Variants in LZTFL1 observed in about 807,000 individuals in gnomAD.
The protein encoded by LZTFL1 is leucine zipper transcription factor-like protein 1.
LZTFL1 carries 25 observed loss-of-function variants against 45.9 expected under a neutral mutation model. That is an observed-to-expected ratio of 0.54 (90% CI 0.40 to 0.76). LZTFL1 has a LOEUF of 0.76. LZTFL1 is among the 30% of genes least tolerant of loss of function. LZTFL1 has a pLI of 0.00. For missense variants in LZTFL1, 277 were observed against 331.1 expected, an observed-to-expected ratio of 0.84 and a Z score of 1.27; for synonymous variants, 93 against 117.4, an observed-to-expected ratio of 0.79 and a Z score of 1.35.
chr3:45,839,233 C>T (rs555993215), intron 1 of LZTFL1, among the ~76,000 whole-genome samples: 3 of 152,198 alleles, frequency 2.0e-5, no homozygotes, highest in Admixed American at 1.3e-4. Flanking sequence ...GGACCACAGG[C>T]GCCCACCACC....
At chr3:45,879,690 T>C (rs1701817147) in intron 2 of LZTFL1, among the ~76,000 whole-genome samples, 1 of 152,120 alleles carries the variant, frequency 6.6e-6, no homozygotes, top group Non-Finnish European at 1.5e-5. Flanking sequence ...ATGAACTGAT[T>C]ATAACAAATG....
intron 2 of LZTFL1, 56 bp from the exon 3 acceptor site, chr3:45,835,840 A>G: frequency 7.7e-7 from 1 of 1,301,066 alleles, no homozygotes; most frequent in African/African-American, 1.5e-5. Flanking sequence ...AAATCTACAA[A>G]ATACAGCAAA....
At position 45,824,849 on chromosome 3, in the gene LZTFL1, A is replaced by G; in HGVS notation, c.*1465T>C. 2.5e-6 allele frequency: 1 copy of G among 398,458 alleles called. No homozygotes were observed. The highest frequency in any genetic ancestry group is 6.3e-4 in the Middle Eastern group (1 of 1,584). 24.7% of individuals were successfully genotyped at this position (398,458 alleles called of 1,614,324 possible). A position where few individuals can be genotyped will look rare whatever the true frequency, so the allele number is the denominator to read the frequency against. On this transcript the variant is annotated 3_prime_UTR_variant, in exon 10 of 10. Coordinates refer to ENST00000296135, the MANE Select transcript of LZTFL1 (RefSeq NM_020347.4). ...CCCTCAACAAAAGCTCCAAAAGGGC[A>G]CAGAAACTGGTAAGTGACCTAAATA...
chr3:45,889,704 A>G (rs1043827025), intron 2 of LZTFL1, among the ~76,000 whole-genome samples: 1 of 151,058 alleles, frequency 6.6e-6, no homozygotes, highest in Non-Finnish European at 1.5e-5. Flanking sequence ...TTTTTTAAAG[A>G]TCACACAACA....
chr3:45,899,929 A>G (rs1352890569), intron 2 of LZTFL1, among the ~76,000 whole-genome samples: 1 of 152,150 alleles, frequency 6.6e-6, no homozygotes, highest in African/African-American at 2.4e-5. Flanking sequence ...GTGTGTGTGT[A>G]TGCGCATATA....
chr3:45,833,751 G>C (rs984132213), intron 4 of LZTFL1, among the ~76,000 whole-genome samples: 2 of 152,100 alleles, frequency 1.3e-5, no homozygotes, highest in African/African-American at 4.8e-5. Context: ...GAGTATTTAC[G>C]GTGTGCCCGT....
intron 1 of LZTFL1, 198 bp downstream of exon 1, chr3:45,841,780 AAGGCTTCACCC>A: frequency 1.6e-6 from 1 of 631,552 alleles, no homozygotes; most frequent in South Asian, 2.0e-5. Flanking sequence ...CTGCTGGGAA[AAGGCTTCACCC>A]AGGATTACCC....
At chr3:45,835,356 T>C (rs1018400692) in intron 3 of LZTFL1, 2 of 452,588 alleles carry the variant, frequency 4.4e-6, no homozygotes, top group Admixed American at 4.1e-5. Context: ...TGAAAAGCAA[T>C]TTCATAAATC....
At chr3:45,890,737 T>G (rs1264205461) in intron 2 of LZTFL1, among the ~76,000 whole-genome samples, 1 of 152,130 alleles carries the variant, frequency 6.6e-6, no homozygotes, top group Non-Finnish European at 1.5e-5. Context: ...AAAATGCATC[T>G]TTCATTCACC....
At chr3:45,872,549 T>A (rs1406259157) in intron 2 of LZTFL1, among the ~76,000 whole-genome samples, 1 of 152,130 alleles carries the variant, frequency 6.6e-6, no homozygotes, top group Non-Finnish European at 1.5e-5. Context: ...GAGGACTTCC[T>A]GGGGGGCTTG....
chr3:45,829,111 A>G (rs1271853760), intron 7 of LZTFL1, among the ~76,000 whole-genome samples: 3 of 152,210 alleles, frequency 2.0e-5, no homozygotes, highest in African/African-American at 2.4e-5. Context: ...ATGGTTTTCT[A>G]AATTTTTAAG....
At chr3:45,893,601 T>C (rs887953988) in intron 2 of LZTFL1, among the ~76,000 whole-genome samples, 7 of 152,260 alleles carry the variant, frequency 4.6e-5, no homozygotes, top group African/African-American at 1.4e-4. Flanking sequence ...CATAATTGTT[T>C]GGAGACTTGT....
At chr3:45,870,202 T>C (rs1239501390) in intron 2 of LZTFL1, among the ~76,000 whole-genome samples, 1 of 152,170 alleles carries the variant, frequency 6.6e-6, no homozygotes, top group Non-Finnish European at 1.5e-5. Context: ...CAGAAAGCTA[T>C]GTGGTTTGGG....
At position 45,901,765 on chromosome 3, in the gene LZTFL1, G is replaced by T; in HGVS notation, c.-215+11355C>A. ...GTTTTTGTGGGTGAGAGATTCCGCC[G>T]GGATCTCGTGAAAACCCTGAAGAAC... On this transcript the variant is annotated intron_variant, in intron 2 of 4. Transcript: ENST00000472635. This position sits in a 1 kb window ranked among gnomAD's most constrained non-coding sequence, Gnocchi z 4.3. 6.2e-7 allele frequency: 1 copy of T among 1,614,126 alleles called. No individual in the cohort carries two copies. Among genetic ancestry groups the T allele is most frequent in the Non-Finnish European group, 8.5e-7 (1 of 1,180,028 alleles).
In LZTFL1 at chr3:45,825,541, T is replaced by C. The variant is rs1316313826; in HGVS notation, c.*773A>G. ...ATTGAACATAAAATGTAAAATAACA[T>C]TCTGGAAACAAGTATAAATATTACA... On this transcript the variant is annotated 3_prime_UTR_variant, in exon 10 of 10. Transcript: ENST00000296135. The C allele has an allele frequency of 6.6e-6, 1 of 152,226 alleles. No individual in the cohort carries two copies. Among genetic ancestry groups the C allele is most frequent in the Non-Finnish European group, 1.5e-5 (1 of 68,026 alleles). The allele number at this position is 152,226 out of a possible 1,614,324, so 9.4% of individuals were successfully genotyped here. A position where few individuals can be genotyped will look rare whatever the true frequency, so the allele number is the denominator to read the frequency against.
chr3:45,824,888 G>T lies in LZTFL1; in HGVS notation c.*1426C>A, dbSNP rs1172539726. ...GTGACCTAAATATGGAGAGACAGGT[G>T]AGGAGAAAATACATAGTAAATGCTG... On this transcript the variant is annotated 3_prime_UTR_variant, in exon 10 of 10. Coordinates refer to ENST00000296135, the MANE Select transcript of LZTFL1 (RefSeq NM_020347.4). The T allele has an allele frequency of 2.5e-6, 1 of 398,322 alleles. No individual in the cohort carries two copies. Among genetic ancestry groups the T allele is most frequent in the Non-Finnish European group, 4.4e-6 (1 of 225,964 alleles). 24.7% of individuals were successfully genotyped at this position (398,322 alleles called of 1,614,324 possible). A position where few individuals can be genotyped will look rare whatever the true frequency, so the allele number is the denominator to read the frequency against.
Position 45,825,996 on chromosome 3 carries a change from CTCTT to C in LZTFL1, c.*314_*317del. On this transcript the variant is annotated 3_prime_UTR_variant, in exon 10 of 10. Coordinates refer to ENST00000296135, the MANE Select transcript of LZTFL1 (RefSeq NM_020347.4). ...ATTTAACATTTATTAAAAATACAGA[CTCTT>C]TATACTAATGCAGAAGGATAAGCCT... 3.5e-6 allele frequency: 1 copy of C among 284,242 alleles called. No homozygotes were observed. 17.6% of individuals were successfully genotyped at this position (284,242 alleles called of 1,614,324 possible).
rs1701131099 is a variant in LZTFL1, at chr3:45,841,992, G to A, written c.-1C>T. ...CGCCTGAGGGTCGGTTACTCACCAT[G>A]GCGGCAGGCAGCGGCGGCAGCCTAA... is the stretch of plus-strand genomic sequence containing the variant. On this transcript the variant is annotated 5_prime_UTR_variant, in exon 1 of 10. Coordinates refer to ENST00000296135, the MANE Select transcript of LZTFL1 (RefSeq NM_020347.4). 1 of 1,611,480 alleles carries A rather than the reference G, an allele frequency of 6.2e-7. No homozygotes were observed. Among genetic ancestry groups the A allele is most frequent in the Non-Finnish European group, 8.5e-7 (1 of 1,179,544 alleles).
chr3:45,892,507 G>T (rs1265985868), intron 2 of LZTFL1, among the ~76,000 whole-genome samples: 4 of 152,120 alleles, frequency 2.6e-5, no homozygotes, highest in African/African-American at 9.7e-5. Context: ...GGAGCTAAAT[G>T]TTGAGTACAT....
Sources: allele counts gnomAD v4.1 joint callset (sites outside exome capture counted in the v4.1 genomes callset), GRCh38; gene constraint gnomAD v4.1.1; non-coding constraint Gnocchi (gnomAD v3.1); transcripts MANE v1.5; gene names NCBI Gene and HGNC (gene_info 2026-07-23, HGNC 2026-07-21).